Variants in SPAG17 observed in about 807,000 individuals in gnomAD.
The protein encoded by SPAG17 is sperm associated antigen 17.
A neutral mutation model predicts 273.6 loss-of-function variants in SPAG17; 169 were observed. That is an observed-to-expected ratio of 0.62 (90% confidence interval 0.55 to 0.70). The LOEUF is 0.70. Among genes scored for constraint, SPAG17 ranks in the 30% least tolerant of loss-of-function variants. The pLI, the probability that SPAG17 is intolerant of heterozygous loss-of-function variation, is 0.00. For synonymous variants in SPAG17, 825 were observed against 873.2 expected (o/e 0.94, Z 0.97); for missense variants, 2,557 against 2,627.8 (o/e 0.97, Z 0.59).
Position 118,044,776 on chromosome 1 carries a change from C to T in SPAG17, c.2815-2734G>A, listed in dbSNP as rs931964887. Among the ~76,000 whole-genome samples, 7 of 152,068 alleles carry T rather than the reference C, an allele frequency of 4.6e-5. No homozygotes were observed. The East Asian group carries it at 1.4e-3, about 29-fold the overall frequency. On this transcript the variant is annotated intron_variant, in intron 20 of 48. Coordinates refer to ENST00000336338, the MANE Select transcript of SPAG17 (RefSeq NM_206996.4). ...TTGTTTAAAAGTGTGCAGCACCTCC[C>T]CCTTCATTCTCTTCCTCCCGCTCTA...
intron 1 of SPAG17, among the ~76,000 whole-genome samples, chr1:118,158,386 A>T (rs1347758376): frequency 6.6e-6 from 1 of 152,212 alleles, no homozygotes; most frequent in Non-Finnish European, 1.5e-5. Flanking sequence ...GGCCATACAG[A>T]GGACTAGGGG....
At chr1:118,112,672 G>A (rs560273427) in intron 4 of SPAG17, among the ~76,000 whole-genome samples, 43 of 152,046 alleles carry the variant, frequency 2.8e-4, no homozygotes, top group African/African-American at 9.2e-4. Flanking sequence ...AAATGTTTTC[G>A]GATAGATTTA....
intron 4 of SPAG17, among the ~76,000 whole-genome samples, chr1:118,106,198 G>A (rs1243705611): frequency 6.6e-6 from 1 of 152,076 alleles, no homozygotes; most frequent in Non-Finnish European, 1.5e-5. Flanking sequence ...TTCTAATCAT[G>A]GCTGTCATTG....
At chr1:118,049,136 C>A (rs959083428) in intron 20 of SPAG17, among the ~76,000 whole-genome samples, 4 of 152,268 alleles carry the variant, frequency 2.6e-5, no homozygotes, top group African/African-American at 7.2e-5. Context: ...CTAATGAATT[C>A]TCTCAAACAT....
Position 117,971,847 on chromosome 1 carries a change from G to T in SPAG17, c.6326+16C>A, listed in dbSNP as rs1654598930. On this transcript the variant is annotated intron_variant, in intron 45 of 48. Transcript: ENST00000336338. Reference sequence around the variant, plus strand: ...GGAAAGGTAACCTGAGCAGACCTTTGGTCCCTTGGCCTCACCTGCAGAAGT... The same window carrying T: ...GGAAAGGTAACCTGAGCAGACCTTTTGTCCCTTGGCCTCACCTGCAGAAGT... 11 of 1,605,862 alleles carry T rather than the reference G, an allele frequency of 6.8e-6. No homozygotes were observed. Among genetic ancestry groups the T allele is most frequent in the South Asian group, 5.6e-5 (5 of 89,516 alleles).
intron 3 of SPAG17, among the ~76,000 whole-genome samples, chr1:118,119,868 C>T (rs529352500): frequency 1.9e-3 from 283 of 152,162 alleles, no homozygotes; most frequent in African/African-American, 6.7e-3. Flanking sequence ...ATATTAAGTG[C>T]TTTGTGGTTT....
At position 118,177,161 on chromosome 1, in the gene SPAG17, A is replaced by G. The variant is rs181200300; in HGVS notation, c.87+7910T>C. Among the ~76,000 whole-genome samples, 43 of 152,324 alleles carry G rather than the reference A, an allele frequency of 2.8e-4. 1 individual carries two copies. The East Asian group carries it at 7.5e-3, about 27-fold the overall frequency. The stretch of plus-strand genomic sequence containing the variant: ...AATTCTCATATCACTATGAAGAAAT[A>G]CTCAAGACTGGGTAATTTATAAAGA... On this transcript the variant is annotated intron_variant, in intron 1 of 48. Transcript: ENST00000336338.
Position 118,081,645 on chromosome 1 carries a change from G to GT in SPAG17, c.1763-4dup. 6.2e-7 allele frequency: 1 copy of GT among 1,612,344 alleles called. No individual in the cohort carries two copies. Among genetic ancestry groups the GT allele is most frequent in the Non-Finnish European group, 8.5e-7 (1 of 1,178,626 alleles). ...TACTTCATTCCAGCTCAAGACATCT[G>GT]TAAGAAAGCAGAACCAGTGCTGCTG... On this transcript the variant is annotated splice_region_variant and splice_polypyrimidine_tract_variant and intron_variant, in intron 13 of 48. Transcript: ENST00000336338.
rs756382130 is a variant in SPAG17 at position 118,091,685 on chromosome 1, C to T, written c.1280G>A (p.Arg427Lys). 6.2e-7 allele frequency: 1 copy of T among 1,611,310 alleles called. No individual in the cohort carries two copies. The highest frequency in any genetic ancestry group is 8.5e-7 in the Non-Finnish European group (1 of 1,177,774). ...TGGATTCAGCAAATAATTGTAATAT[C>T]TCATGTCTACTTCAGTTGTGATGAC... The part of the protein sequence containing the change: ...TSVITTEVDM[R>K]YYNYLLNPIR... The change falls in exon 10 of 49, where the codon AGA (arginine) becomes AAA (lysine). Residue 427 changes from arginine to lysine, a missense_variant. Arg to Lys is a conservative substitution (Grantham distance 26). Transcript: ENST00000336338.
chr1:118,110,755 G>A (rs1656709191), intron 4 of SPAG17, among the ~76,000 whole-genome samples: 1 of 152,164 alleles, frequency 6.6e-6, no homozygotes, highest in Non-Finnish European at 1.5e-5. Context: ...ACATCACTGA[G>A]CACAGCCATT....
chr1:117,995,282 C>T (rs557033616), intron 34 of SPAG17, among the ~76,000 whole-genome samples: 3 of 152,226 alleles, frequency 2.0e-5, no homozygotes, highest in Admixed American at 6.6e-5. Flanking sequence ...TCTTTCCCCT[C>T]GGAGACCTTA....
At chr1:118,165,546 T>C (rs931555620) in intron 1 of SPAG17, among the ~76,000 whole-genome samples, 1 of 150,696 alleles carries the variant, frequency 6.6e-6, no homozygotes, top group Non-Finnish European at 1.5e-5. Flanking sequence ...GCCAAATTCA[T>C]AAGATATGCA....
At chr1:118,008,334 A>G in intron 30 of SPAG17, 136 bp from the exon 31 acceptor site, 2 of 914,894 alleles carry the variant, frequency 2.2e-6, no homozygotes, top group Non-Finnish European at 3.3e-6. Flanking sequence ...AGTCTAGAGC[A>G]AGTACTGAGA....
At chr1:118,021,138 AAAAGTTTTTGAT>A (rs745706709) in intron 28 of SPAG17, among the ~76,000 whole-genome samples, 1 of 152,190 alleles carries the variant, frequency 6.6e-6, no homozygotes, top group African/African-American at 2.4e-5. Context: ...TTATAACTTA[AAAAGTTTTTGAT>A]AAAATATTAT....
intron 18 of SPAG17, among the ~76,000 whole-genome samples, chr1:118,061,595 A>T (rs1028459067): frequency 6.6e-6 from 1 of 152,204 alleles, no homozygotes. Flanking sequence ...GCACTTGAAG[A>T]TATGTTAAAA....
Position 118,097,740 on chromosome 1 carries a change from T to G in SPAG17, c.941A>C (p.Asp314Ala). 1 of 1,611,076 alleles carries G rather than the reference T, an allele frequency of 6.2e-7. No individual in the cohort carries two copies. The highest frequency in any genetic ancestry group is 8.5e-7 in the Non-Finnish European group (1 of 1,178,908). The change falls in exon 7 of 49, where the codon GAT becomes GCT. Residue 314 changes from aspartate to alanine, a missense_variant. Transcript: ENST00000336338. Reference sequence around the variant, plus strand: ...GACCATGTACTCAAGTCGAGCAACATCAAAGAGATTTGTTTCAGGTTTCTC... The same window carrying G: ...GACCATGTACTCAAGTCGAGCAACAGCAAAGAGATTTGTTTCAGGTTTCTC... ...NNEKPETNLFDVARLEYMVKA... is the reference protein window; with the variant it reads ...NNEKPETNLFAVARLEYMVKA...
intron 34 of SPAG17, 109 bp downstream of exon 34, chr1:117,996,261 A>T: frequency 7.5e-7 from 1 of 1,332,932 alleles, no homozygotes; most frequent in Non-Finnish European, 1.0e-6. Context: ...TAGAGCAGAA[A>T]AGTGAGCAAA....
At chr1:117,980,037 G>A (rs1249346080) in intron 43 of SPAG17, among the ~76,000 whole-genome samples, 2 of 152,058 alleles carry the variant, frequency 1.3e-5, no homozygotes, top group Non-Finnish European at 2.9e-5. Flanking sequence ...GAGGGGTCTA[G>A]CTCCATCAGA....
chr1:118,165,494 T>C (rs1660121935), intron 1 of SPAG17, among the ~76,000 whole-genome samples: 1 of 152,094 alleles, frequency 6.6e-6, no homozygotes. Flanking sequence ...AGTTGAAATA[T>C]GACTGTAATA....
Sources: gnomAD v4.1 joint callset for allele counts (sites outside exome capture counted in the v4.1 genomes callset) on GRCh38, gnomAD v4.1.1 for gene constraint, MANE v1.5 for transcripts, NCBI Gene and HGNC (gene_info 2026-07-23, HGNC 2026-07-21) for gene names.